The following ATG5 variants were observed in gnomAD, a reference collection of about 807,000 sequenced individuals.
ATG5 encodes autophagy related 5, also known as autophagy protein 5.
A neutral mutation model predicts 36.5 loss-of-function variants in ATG5; 14 were observed. The ratio of observed to expected loss-of-function variants is 0.38; its 90% CI spans 0.25 to 0.60. The LOEUF (loss-of-function observed/expected upper bound fraction) is 0.60, where lower values mean the gene tolerates loss of function less well. Ranked by LOEUF, ATG5 falls within the 20% of genes least tolerant of loss-of-function variation. ATG5 has a pLI of 0.60. For synonymous variants in ATG5, 95 were observed against 101.5 expected (o/e 0.94, Z 0.38); for missense variants, 195 against 326.7 (o/e 0.60, Z 3.11).
chr6:106,203,654 T>C (rs551609232), intron 6 of ATG5, among the ~76,000 whole-genome samples: 49 of 152,286 alleles, frequency 3.2e-4, no homozygotes, highest in Admixed American at 1.5e-3. Flanking sequence ...GTCACCCAGG[T>C]TGAATTGCAG....
intron 6 of ATG5, among the ~76,000 whole-genome samples, chr6:106,236,705 C>T (rs1323922228): frequency 1.3e-5 from 2 of 152,078 alleles, no homozygotes; most frequent in South Asian, 2.1e-4. Flanking sequence ...AGCCTATTTC[C>T]CTCAAGTGAA....
intron 5 of ATG5, chr6:106,271,806 G>C (rs1243999812): frequency 6.6e-6 from 1 of 152,110 alleles, no homozygotes; most frequent in Non-Finnish European, 1.5e-5. Context: ...AAAAATGGTG[G>C]GAAATAGAGA....
Position 106,186,629 on chromosome 6 carries a change from A to T in ATG5, c.739T>A (p.Leu247Met). The change falls in exon 8 of 8, where the codon TTG becomes ATG. Residue 247 changes from leucine to methionine, a missense_variant. By Grantham distance (15) the Leu-to-Met change is conservative (BLOSUM62 2). Coordinates refer to ENST00000369076, the MANE Select transcript of ATG5 (RefSeq NM_004849.4). The stretch of plus-strand genomic sequence containing the variant: ...CTCAGCCACTGCAGAGGTGTTTCCA[A>T]CATTGGCTCAATTCCATGAATCATC... ...QVMIHGIEPM[L>M]ETPLQWLSEH... is the part of the protein sequence containing the mutation. 1.2e-6 allele frequency: 2 copies of T among 1,613,822 alleles called. No individual in the cohort carries two copies. The highest frequency in any genetic ancestry group is 1.7e-6 in the Non-Finnish European group (2 of 1,179,822).
intron 6 of ATG5, among the ~76,000 whole-genome samples, chr6:106,236,987 C>A (rs1777928385): frequency 6.6e-6 from 1 of 152,052 alleles, no homozygotes; most frequent in South Asian, 2.1e-4. Flanking sequence ...AATTTTTAGA[C>A]CCACAAATCT....
chr6:106,280,852 C>G (rs1240571282), intron 4 of ATG5, among the ~76,000 whole-genome samples: 3 of 152,226 alleles, frequency 2.0e-5, no homozygotes, highest in African/African-American at 7.2e-5. Context: ...TAATTTGACT[C>G]AAGTCCTACA....
At chr6:106,241,945 A>T (rs1374150821) in intron 6 of ATG5, among the ~76,000 whole-genome samples, 4 of 151,866 alleles carry the variant, frequency 2.6e-5, no homozygotes, top group Admixed American at 6.6e-5. Flanking sequence ...TACCACCACC[A>T]CCATGATGGT....
At chr6:106,201,768 T>C in intron 7 of ATG5, 1 of 331,334 alleles carries the variant, frequency 3.0e-6, no homozygotes, top group Non-Finnish European at 5.4e-6. Context: ...TGTATTTTAT[T>C]TCGCCAGTCG....
intron 6 of ATG5, among the ~76,000 whole-genome samples, chr6:106,231,760 T>C (rs1777702593): frequency 6.6e-6 from 1 of 152,022 alleles, no homozygotes; most frequent in Non-Finnish European, 1.5e-5. Flanking sequence ...GAACAAAACT[T>C]AGAAACCCTA....
chr6:106,321,594 A>G (rs1414127319), intron 1 of ATG5, among the ~76,000 whole-genome samples: 17 of 151,854 alleles, frequency 1.1e-4, no homozygotes, highest in African/African-American at 3.1e-4. Flanking sequence ...TCCTGACCTC[A>G]TGATCCGCCT....
chr6:106,210,838 C>T (rs1303349984), intron 6 of ATG5, among the ~76,000 whole-genome samples: 1 of 152,084 alleles, frequency 6.6e-6, no homozygotes, highest in East Asian at 1.9e-4. Context: ...GTATTTAGAA[C>T]AATGTCTAGC....
At chr6:106,270,926 C>T (rs1484629703) in intron 5 of ATG5, among the ~76,000 whole-genome samples, 1 of 152,108 alleles carries the variant, frequency 6.6e-6, no homozygotes, top group Non-Finnish European at 1.5e-5. Flanking sequence ...TAAAATAAGC[C>T]CCAAATTTAC....
Position 106,279,860 on chromosome 6 carries a change from C to T in ATG5, c.316-37G>A, listed in dbSNP as rs1179968668. The T allele has an allele frequency of 6.9e-6, 9 of 1,301,602 alleles. No homozygotes were observed. The East Asian group carries it at 1.3e-4, about 19-fold the overall frequency. The allele number at this position is 1,301,602 out of a possible 1,614,324, so 80.6% of individuals were successfully genotyped here. ...AAAAATATACATATAAAACAGGATA[C>T]ACACATTACAAAATTAACCTCTTAA... On this transcript the variant is annotated intron_variant, in intron 4 of 7. Transcript: ENST00000369076.
intron 5 of ATG5, among the ~76,000 whole-genome samples, chr6:106,264,954 T>A (rs978375537): frequency 1.3e-5 from 2 of 151,894 alleles, no homozygotes. Flanking sequence ...AAAAACCAGC[T>A]AGTATCATGA....
intron 4 of ATG5, among the ~76,000 whole-genome samples, chr6:106,288,727 G>T (rs1780183139): frequency 6.6e-6 from 1 of 152,130 alleles, no homozygotes; most frequent in South Asian, 2.1e-4. Flanking sequence ...ATCAGAAACT[G>T]CACTTTAGTA....
intron 2 of ATG5, among the ~76,000 whole-genome samples, chr6:106,313,334 A>G (rs1160685816): frequency 6.6e-6 from 1 of 152,202 alleles, no homozygotes; most frequent in Non-Finnish European, 1.5e-5. Context: ...GTGAAGGAAG[A>G]GGTCAGGGCT....
intron 5 of ATG5, among the ~76,000 whole-genome samples, chr6:106,257,600 T>C (rs1297471688): frequency 6.6e-6 from 1 of 152,230 alleles, no homozygotes; most frequent in African/African-American, 2.4e-5. Context: ...GTTCAAATTC[T>C]GGTTCCACCT....
At chr6:106,294,649 A>G (rs1487386340) in intron 3 of ATG5, among the ~76,000 whole-genome samples, 2 of 150,500 alleles carry the variant, frequency 1.3e-5, no homozygotes, top group African/African-American at 4.9e-5. Context: ...TGAGACTGAC[A>G]TGGTGAAACT....
chr6:106,294,822 G>A (rs1780470640), intron 3 of ATG5, among the ~76,000 whole-genome samples: 1 of 140,052 alleles, frequency 7.1e-6, no homozygotes, highest in Admixed American at 7.5e-5. Context: ...CAGCCTGGAC[G>A]ACAGAGTGAG....
chr6:106,194,940 C>T (rs1776117983), intron 7 of ATG5, among the ~76,000 whole-genome samples: 2 of 152,194 alleles, frequency 1.3e-5, no homozygotes, highest in African/African-American at 4.8e-5. Context: ...TCACTCAGGT[C>T]TGGCACAGAA....
Sources: allele counts gnomAD v4.1 joint callset (sites outside exome capture counted in the v4.1 genomes callset), GRCh38; gene constraint gnomAD v4.1.1; transcripts MANE v1.5; gene names NCBI Gene and HGNC (gene_info 2026-07-23, HGNC 2026-07-21).